Variants in ECPAS observed in about 807,000 individuals in gnomAD.
ECPAS encodes Ecm29 proteasome adaptor and scaffold.
In ECPAS, 70 loss-of-function variants were observed where a neutral mutation model predicts 255.1. That is an observed-to-expected ratio of 0.27 (90% confidence interval 0.23 to 0.33). The LOEUF (loss-of-function observed/expected upper bound fraction) is 0.33. ECPAS is among the 10% of genes least tolerant of loss of function. The probability of loss-of-function intolerance (pLI) is 1.00; values close to 1 mark genes in which losing one functional copy is unlikely to be tolerated. For synonymous variants in ECPAS, 784 were observed against 775.0 expected (o/e 1.01, Z -0.19); for missense variants, 1,817 against 2,206.4 (o/e 0.82, Z 3.54).
chr9:111,439,325 G>A (rs1045136596), intron 6 of ECPAS, among the ~76,000 whole-genome samples: 1 of 152,054 alleles, frequency 6.6e-6, no homozygotes, highest in African/African-American at 2.4e-5. Context: ...TTGGAGTGCA[G>A]TGGCATGATC....
At chr9:111,418,028 G>A in intron 16 of ECPAS, 22 bp from the exon 17 acceptor site, 2 of 1,554,504 alleles carry the variant, frequency 1.3e-6, no homozygotes, top group Non-Finnish European at 1.7e-6. Context: ...AGACAAATAA[G>A]AATAAAAAAT....
chr9:111,458,694 A>T (rs1589224595), intron 2 of ECPAS, among the ~76,000 whole-genome samples: 1 of 152,078 alleles, frequency 6.6e-6, no homozygotes, highest in Non-Finnish European at 1.5e-5. Flanking sequence ...TGATCCAATC[A>T]ATCAATCACA....
At chr9:111,470,765 C>CACACACACAT (rs1325469612) in intron 2 of ECPAS, among the ~76,000 whole-genome samples, 4 of 151,476 alleles carry the variant, frequency 2.6e-5, no homozygotes, top group African/African-American at 9.7e-5. Flanking sequence ...CACACACACA[C>CACACACACAT]ACACACACAC....
chr9:111,449,338 G>A (rs1171510328), intron 3 of ECPAS, among the ~76,000 whole-genome samples: 1 of 152,018 alleles, frequency 6.6e-6, no homozygotes, highest in East Asian at 1.9e-4. Context: ...AATAAAACCA[G>A]AAACAAGAAT....
At chr9:111,479,892 T>C (rs543785837) in intron 1 of ECPAS, among the ~76,000 whole-genome samples, 5 of 151,136 alleles carry the variant, frequency 3.3e-5, no homozygotes, top group East Asian at 2.0e-4. Context: ...GGCAGGAGAA[T>C]TGCTTAAACC....
intron 24 of ECPAS, among the ~76,000 whole-genome samples, chr9:111,403,237 G>A (rs935870171): frequency 6.6e-6 from 1 of 151,032 alleles, no homozygotes; most frequent in Non-Finnish European, 1.5e-5. Context: ...GCTTGTGCCT[G>A]TAGGCCCAGC....
At chr9:111,373,148 T>A in intron 41 of ECPAS, 22 bp downstream of exon 41, 1 of 1,598,946 alleles carries the variant, frequency 6.3e-7, no homozygotes, top group Non-Finnish European at 8.6e-7. Context: ...TAAAATGACA[T>A]AAAATAGAAA....
chr9:111,376,563 C>T lies in ECPAS; in HGVS notation c.3955-22G>A. On this transcript the variant is annotated intron_variant, in intron 36 of 49. Coordinates refer to ENST00000684092, the MANE Select transcript of ECPAS (RefSeq NM_001364929.1). ...CAGCCTAAAGAAGAGAAATTAAAGT[C>T]ACCCGGCACATTCAATTAATTAGGA... The T allele has an allele frequency of 2.6e-6, 4 of 1,565,752 alleles. No individual in the cohort carries two copies. In the South Asian group the frequency reaches 4.7e-5, roughly 18 times the overall value.
At chr9:111,411,210 A>G in intron 21 of ECPAS, 68 bp from the exon 22 acceptor site, 1 of 1,481,658 alleles carries the variant, frequency 6.7e-7, no homozygotes. Context: ...CATGGCAGTA[A>G]CTGTGTGTCG....
chr9:111,428,451 C>G (rs2098224918), intron 9 of ECPAS, among the ~76,000 whole-genome samples: 1 of 152,004 alleles, frequency 6.6e-6, no homozygotes, highest in African/African-American at 2.4e-5. Context: ...TAACTATTTT[C>G]CAAAGCAAAA....
At chr9:111,399,968 T>C (rs1354132712) in intron 24 of ECPAS, among the ~76,000 whole-genome samples, 2 of 152,256 alleles carry the variant, frequency 1.3e-5, no homozygotes, top group Non-Finnish European at 2.9e-5. Flanking sequence ...CCATGGGCTT[T>C]GGGTGTAACC....
chr9:111,379,124 T>C (rs564541229), intron 35 of ECPAS, among the ~76,000 whole-genome samples: 1 of 152,318 alleles, frequency 6.6e-6, no homozygotes, highest in South Asian at 2.1e-4. Flanking sequence ...CCTCCATACA[T>C]ACAGCCGCTA....
At chr9:111,474,055 C>T (rs974717402) in intron 1 of ECPAS, among the ~76,000 whole-genome samples, 1 of 152,184 alleles carries the variant, frequency 6.6e-6, no homozygotes, top group Non-Finnish European at 1.5e-5. Context: ...AGTTAGGTCC[C>T]TTGTTCAAGA....
At chr9:111,415,116 AT>A (rs889510472) in intron 18 of ECPAS, among the ~76,000 whole-genome samples, 17 of 152,246 alleles carry the variant, frequency 1.1e-4, no homozygotes, top group Admixed American at 7.8e-4. Flanking sequence ...GAAATAGTAT[AT>A]ACAACAAACC....
Position 111,484,082 on chromosome 9 carries a change from C to G in ECPAS, c.-83+34G>C, listed in dbSNP as rs1232342522. 5 of 1,246,206 alleles carry G rather than the reference C, an allele frequency of 4.0e-6. No homozygotes were observed. The African/African-American group carries it at 8.0e-5, about 20-fold the overall frequency. 77.2% of individuals were successfully genotyped at this position (1,246,206 alleles called of 1,614,324 possible). A position where few individuals can be genotyped will look rare whatever the true frequency, so the allele number is the denominator to read the frequency against. ...TAACCGCGCCGCCGCGCGCGCAGGG[C>G]CAGTCCCCCGCGGCCCGGGGGCGGG... On this transcript the variant is annotated intron_variant, in intron 1 of 49. Coordinates refer to ENST00000684092, the MANE Select transcript of ECPAS (RefSeq NM_001364929.1).
chr9:111,386,501 A>G (rs1468842057), intron 31 of ECPAS, 45 bp from the exon 32 acceptor site: 20 of 1,129,740 alleles, frequency 1.8e-5, no homozygotes, highest in African/African-American at 3.1e-5. Context: ...AAATCCATCA[A>G]TAATCAAATT....
intron 37 of ECPAS, among the ~76,000 whole-genome samples, chr9:111,376,156 T>C (rs1028328028): frequency 6.6e-6 from 1 of 152,172 alleles, no homozygotes; most frequent in African/African-American, 2.4e-5. Flanking sequence ...CAAAGATAAC[T>C]ATTAGGCACA....
At chr9:111,480,292 C>T (rs4978999) in intron 1 of ECPAS, among the ~76,000 whole-genome samples, 2,604 of 63,910 alleles carry the variant, frequency 0.041, 137 homozygotes, top group African/African-American at 0.077. Flanking sequence ...AGCACCTTTT[C>T]TTTTTTTTTT....
intron 2 of ECPAS, among the ~76,000 whole-genome samples, chr9:111,459,802 C>G (rs2098271077): frequency 6.6e-6 from 1 of 152,096 alleles, no homozygotes; most frequent in African/African-American, 2.4e-5. Context: ...CAAATATGAA[C>G]TGTATTATTT....
Sources: allele counts gnomAD v4.1 joint callset (sites outside exome capture counted in the v4.1 genomes callset), GRCh38; gene constraint gnomAD v4.1.1; transcripts MANE v1.5; gene names NCBI Gene and HGNC (gene_info 2026-07-23, HGNC 2026-07-21).